ICA1: variants seen among roughly 807,000 people sequenced by gnomAD.
ICA1 encodes islet cell autoantigen 1.
ICA1 carries 40 observed loss-of-function variants against 71.0 expected under a neutral mutation model. The ratio of observed to expected loss-of-function variants is 0.56; its 90% CI spans 0.44 to 0.73. The LOEUF (loss-of-function observed/expected upper bound fraction) is 0.73. Among genes scored for constraint, ICA1 ranks in the 30% least tolerant of loss-of-function variants. ICA1 has a pLI of 0.00. For synonymous variants in ICA1, 207 were observed against 209.5 expected (o/e 0.99, Z 0.10); for missense variants, 578 against 576.5 (o/e 1.00, Z -0.03).
At chr7:8,191,117 T>C (rs984502795) in intron 6 of ICA1, among the ~76,000 whole-genome samples, 7 of 152,218 alleles carry the variant, frequency 4.6e-5, no homozygotes, top group South Asian at 2.1e-4. Context: ...CTCCACTTTA[T>C]ACGAGAGTAA....
intron 13 of ICA1, among the ~76,000 whole-genome samples, chr7:8,117,151 C>G (rs186641495): frequency 5.0e-4 from 76 of 152,312 alleles, no homozygotes; most frequent in African/African-American, 1.8e-3. Flanking sequence ...TTTGCTTCCC[C>G]TTCATCTTTG....
At chr7:8,193,044 G>A (rs1369328912) in intron 6 of ICA1, among the ~76,000 whole-genome samples, 1 of 152,138 alleles carries the variant, frequency 6.6e-6, no homozygotes, top group Non-Finnish European at 1.5e-5. Context: ...AGGGTATGTA[G>A]AAACAAAGAT....
At chr7:8,196,586 G>C (rs941487697) in intron 6 of ICA1, among the ~76,000 whole-genome samples, 2 of 152,164 alleles carry the variant, frequency 1.3e-5, no homozygotes. Context: ...TGGTGAGGGA[G>C]GCTGTGTGTA....
intron 8 of ICA1, among the ~76,000 whole-genome samples, chr7:8,152,553 T>TCCA (rs1228620631): frequency 2.0e-3 from 53 of 27,058 alleles, no homozygotes; most frequent in Non-Finnish European, 5.2e-3. Context: ...CATCACCACC[T>TCCA]CCACCACCAC....
intron 8 of ICA1, among the ~76,000 whole-genome samples, chr7:8,153,477 G>T (rs952919695): frequency 6.6e-6 from 1 of 152,096 alleles, no homozygotes; most frequent in African/African-American, 2.4e-5. Context: ...CCAGGGAAAA[G>T]CCACTCTACT....
chr7:8,148,751 T>C (rs559918807), intron 8 of ICA1, among the ~76,000 whole-genome samples: 17 of 152,146 alleles, frequency 1.1e-4, no homozygotes, highest in Non-Finnish European at 2.1e-4. Context: ...CTCTTTGATA[T>C]AGCAAGGAAA....
intron 6 of ICA1, among the ~76,000 whole-genome samples, chr7:8,199,270 G>T (rs1457507386): frequency 1.3e-5 from 2 of 152,170 alleles, no homozygotes; most frequent in Admixed American, 6.5e-5. Context: ...AGACATATCT[G>T]CACTCCTGTA....
At chr7:8,164,531 C>T (rs1032668035) in intron 6 of ICA1, among the ~76,000 whole-genome samples, 2 of 152,092 alleles carry the variant, frequency 1.3e-5, no homozygotes, top group African/African-American at 4.8e-5. Flanking sequence ...CTTGCCTTTC[C>T]ACCAGCCAGT....
chr7:8,218,236 G>C, intron 6 of ICA1, 69 bp downstream of exon 6: 2 of 1,342,658 alleles, frequency 1.5e-6, no homozygotes, highest in South Asian at 2.4e-5. Flanking sequence ...CTTCACCAGA[G>C]GGATTCAAAT....
chr7:8,156,700 C>T (rs532017415), intron 8 of ICA1: 261 of 829,026 alleles, frequency 3.1e-4, no homozygotes, highest in South Asian at 1.2e-3. Flanking sequence ...AAGGAGGACA[C>T]CTTCTCAAGT....
intron 1 of ICA1, among the ~76,000 whole-genome samples, chr7:8,239,787 G>A (rs181102653): frequency 6.6e-6 from 1 of 152,324 alleles, no homozygotes; most frequent in Admixed American, 6.5e-5. Context: ...ATGAAGCCTT[G>A]CTCACTGCTA....
At chr7:8,245,882 C>T (rs1805811866) in intron 1 of ICA1, among the ~76,000 whole-genome samples, 1 of 152,146 alleles carries the variant, frequency 6.6e-6, no homozygotes, top group Admixed American at 6.5e-5. Context: ...TTTCCAGAAT[C>T]AGTAGAGCCT....
chr7:8,227,224 G>A (rs1011107203), intron 4 of ICA1, among the ~76,000 whole-genome samples: 2 of 152,164 alleles, frequency 1.3e-5, no homozygotes, highest in African/African-American at 4.8e-5. Flanking sequence ...GGGTTTAAAA[G>A]TGTACTTTGA....
At chr7:8,161,961 G>C (rs1804002496) in intron 6 of ICA1, among the ~76,000 whole-genome samples, 1 of 152,182 alleles carries the variant, frequency 6.6e-6, no homozygotes, top group Non-Finnish European at 1.5e-5. Flanking sequence ...TGAAATGATG[G>C]GATATTTGAG....
rs138588689 is a variant in ICA1, at chr7:8,135,855, G to C, written c.1060+2985C>G. Among the ~76,000 whole-genome samples, 88 of 152,244 alleles carry C rather than the reference G, an allele frequency of 5.8e-4. No individual in the cohort carries two copies. The Middle Eastern group carries it at 0.01, about 18-fold the overall frequency. On this transcript the variant is annotated intron_variant, in intron 12 of 13. Coordinates refer to ENST00000402384, the MANE Select transcript of ICA1 (RefSeq NM_001136020.3). ...CCAACTTATGAGACTTAGGTGAGTT[G>C]AATTCATTGAACTGTCTTCTGCTTT...
chr7:8,235,083 G>A (rs1414692755), intron 2 of ICA1, among the ~76,000 whole-genome samples: 1 of 152,062 alleles, frequency 6.6e-6, no homozygotes, highest in Non-Finnish European at 1.5e-5. Flanking sequence ...AGAATCACTT[G>A]AACCAGGGAG....
At chr7:8,171,164 A>AC (rs1289545354) in intron 6 of ICA1, among the ~76,000 whole-genome samples, 4 of 151,922 alleles carry the variant, frequency 2.6e-5, no homozygotes, top group African/African-American at 9.7e-5. Context: ...CATAAAATGA[A>AC]CTGGGAAGTG....
At chr7:8,236,368 A>G (rs1301471809) in intron 1 of ICA1, among the ~76,000 whole-genome samples, 1 of 152,230 alleles carries the variant, frequency 6.6e-6, no homozygotes, top group Non-Finnish European at 1.5e-5. Flanking sequence ...AATGATGAAC[A>G]CTAAGTTCCA....
intron 1 of ICA1, among the ~76,000 whole-genome samples, chr7:8,258,784 A>G (rs953599958): frequency 6.6e-6 from 1 of 152,260 alleles, no homozygotes; most frequent in African/African-American, 2.4e-5. Context: ...AATACTAAAT[A>G]GTAAATTGCT....
Sources: allele counts gnomAD v4.1 joint callset (sites outside exome capture counted in the v4.1 genomes callset), GRCh38; gene constraint gnomAD v4.1.1; transcripts MANE v1.5; gene names NCBI Gene and HGNC (gene_info 2026-07-23, HGNC 2026-07-21).